FAM78B: variants seen among roughly 807,000 people sequenced by gnomAD.
The protein encoded by FAM78B is protein FAM78B.
Under a neutral mutation model 20.0 loss-of-function variants are expected in FAM78B, and 10 were observed. The ratio of observed to expected loss-of-function variants is 0.50; its 90% CI spans 0.31 to 0.85. The LOEUF is 0.85. FAM78B is among the 40% of genes least tolerant of loss of function. FAM78B has a pLI of 0.05. For synonymous variants in FAM78B, 135 were observed against 132.8 expected (o/e 1.02, Z -0.12); for missense variants, 283 against 345.0 (o/e 0.82, Z 1.42).
intron 1 of FAM78B, among the ~76,000 whole-genome samples, chr1:166,135,280 G>A (rs887083761): frequency 1.3e-5 from 2 of 152,174 alleles, no homozygotes. Flanking sequence ...AAGTATAACA[G>A]CAATGACATC....
At chr1:166,123,594 C>G (rs779260131) in intron 1 of FAM78B, among the ~76,000 whole-genome samples, 1 of 152,218 alleles carries the variant, frequency 6.6e-6, no homozygotes, top group Non-Finnish European at 1.5e-5. Flanking sequence ...AGGACTTTTT[C>G]ATTTGCAAAT....
At chr1:166,091,735 T>C (rs572244721) in intron 1 of FAM78B, among the ~76,000 whole-genome samples, 1 of 152,338 alleles carries the variant, frequency 6.6e-6, no homozygotes, top group South Asian at 2.1e-4. Context: ...TAACCAGATA[T>C]GGACTTAGTA....
intron 1 of FAM78B, among the ~76,000 whole-genome samples, chr1:166,079,030 C>T (rs1326849363): frequency 6.6e-6 from 1 of 151,274 alleles, no homozygotes; most frequent in Non-Finnish European, 1.5e-5. Flanking sequence ...CTCCTGGGCT[C>T]AAGTGATCCT....
intron 1 of FAM78B, among the ~76,000 whole-genome samples, chr1:166,153,847 C>G (rs1401805007): frequency 1.3e-5 from 2 of 152,140 alleles, no homozygotes; most frequent in Non-Finnish European, 2.9e-5. Flanking sequence ...CTATACCCCC[C>G]TTAGATCCCA....
intron 1 of FAM78B, among the ~76,000 whole-genome samples, chr1:166,101,774 G>C (rs1653529752): frequency 6.6e-6 from 1 of 152,040 alleles, no homozygotes; most frequent in Non-Finnish European, 1.5e-5. Context: ...AACCAAGTTG[G>C]AAAACACTCT....
intron 1 of FAM78B, among the ~76,000 whole-genome samples, chr1:166,094,177 T>C (rs1342043895): frequency 3.9e-5 from 6 of 152,044 alleles, no homozygotes; most frequent in Admixed American, 2.6e-4. Context: ...TCAGAACAGA[T>C]AGCACTTAGG....
intron 1 of FAM78B, among the ~76,000 whole-genome samples, chr1:166,115,635 TTA>T (rs1366414043): frequency 2.6e-5 from 4 of 152,180 alleles, no homozygotes; most frequent in African/African-American, 7.2e-5. Context: ...CCGGGGCAGC[TTA>T]TGATCTATCA....
chr1:166,109,854 A>ATATATGTATGTG (rs1653950546), intron 1 of FAM78B, among the ~76,000 whole-genome samples: 1 of 15,690 alleles, frequency 6.4e-5, no homozygotes, highest in Non-Finnish European at 2.0e-4. Flanking sequence ...ATATATATAT[A>ATATATGTATGTG]TATATATGTA....
At chr1:166,163,572 G>T (rs935099945) in intron 1 of FAM78B, among the ~76,000 whole-genome samples, 2 of 152,188 alleles carry the variant, frequency 1.3e-5, no homozygotes, top group Non-Finnish European at 2.9e-5. Context: ...CTGCACAGAG[G>T]TGAAAAATCA....
At chr1:166,058,828 C>T (rs1455735152) in exon 3 of FAM78B, 2 of 151,740 alleles carry the variant, frequency 1.3e-5, no homozygotes, top group Non-Finnish European at 2.9e-5. Context: ...GGGTGAGATG[C>T]CTCTTCTCAG....
At chr1:166,106,701 G>C (rs568122002) in intron 1 of FAM78B, among the ~76,000 whole-genome samples, 1 of 152,140 alleles carries the variant, frequency 6.6e-6, no homozygotes, top group African/African-American at 2.4e-5. Context: ...GGCAACATCA[G>C]ACTGTGGGGA....
At chr1:166,138,388 C>A (rs10918375) in intron 1 of FAM78B, among the ~76,000 whole-genome samples, 22,338 of 151,944 alleles carry the variant, frequency 0.15, 1,964 homozygotes, top group South Asian at 0.27. Context: ...AAAAAGCAAC[C>A]CCTCCACCCA....
chr1:166,154,525 G>C (rs914842737), intron 1 of FAM78B, among the ~76,000 whole-genome samples: 1 of 152,230 alleles, frequency 6.6e-6, no homozygotes, highest in Non-Finnish European at 1.5e-5. Flanking sequence ...GCTGATGTGA[G>C]TTCCTCTCTG....
chr1:166,135,897 A>G (rs1263312869), intron 1 of FAM78B, among the ~76,000 whole-genome samples: 2 of 152,212 alleles, frequency 1.3e-5, no homozygotes, highest in Non-Finnish European at 2.9e-5. Flanking sequence ...AATCCAAGGT[A>G]TTTTAGAATC....
chr1:166,161,257 G>A (rs760515507), intron 1 of FAM78B, among the ~76,000 whole-genome samples: 5 of 151,428 alleles, frequency 3.3e-5, no homozygotes, highest in Non-Finnish European at 7.4e-5. Context: ...AGCAATTCTC[G>A]TGCCTCAGCC....
intron 1 of FAM78B, 138 bp downstream of exon 1, chr1:166,165,848 A>C (rs1015595375): frequency 4.3e-6 from 4 of 921,516 alleles, no homozygotes; most frequent in Non-Finnish European, 6.6e-6. Flanking sequence ...GGGAGGAGGG[A>C]GGTGGGAGAG....
intron 1 of FAM78B, among the ~76,000 whole-genome samples, chr1:166,132,487 G>C (rs1654911349): frequency 6.6e-6 from 1 of 152,146 alleles, no homozygotes; most frequent in Non-Finnish European, 1.5e-5. Context: ...TGTTTGTGAA[G>C]TGCAAAAAAA....
intron 1 of FAM78B, among the ~76,000 whole-genome samples, chr1:166,162,247 C>T (rs1656174637): frequency 6.6e-6 from 1 of 152,070 alleles, no homozygotes; most frequent in African/African-American, 2.4e-5. Flanking sequence ...CAGAGGTGAG[C>T]GGGTACAGCC....
intron 1 of FAM78B, among the ~76,000 whole-genome samples, chr1:166,090,345 T>G (rs1163420784): frequency 6.6e-6 from 1 of 152,174 alleles, no homozygotes; most frequent in African/African-American, 2.4e-5. Flanking sequence ...CACTGACACA[T>G]GAACCTTCTC....
Sources: gnomAD v4.1 joint callset for allele counts (sites outside exome capture counted in the v4.1 genomes callset) on GRCh38, gnomAD v4.1.1 for gene constraint, MANE v1.5 for transcripts, NCBI Gene and HGNC (gene_info 2026-07-23, HGNC 2026-07-21) for gene names.